GSK3B: variants seen among roughly 807,000 people sequenced by gnomAD.
GSK3B encodes the protein glycogen synthase kinase-3 beta.
A neutral mutation model predicts 56.4 loss-of-function variants in GSK3B; 15 were observed. The observed-to-expected ratio is 0.27, with a 90% CI of 0.18 to 0.41. The LOEUF is 0.41. GSK3B is among the 10% of genes least tolerant of loss of function. The pLI, the probability that GSK3B is intolerant of heterozygous loss-of-function variation, is 1.00. For synonymous variants in GSK3B, 181 were observed against 188.9 expected (o/e 0.96, Z 0.34); for missense variants, 300 against 513.4 (o/e 0.58, Z 4.02).
intron 4 of GSK3B, among the ~76,000 whole-genome samples, chr3:119,916,713 T>C (rs1190468269): frequency 2.0e-5 from 3 of 152,226 alleles, no homozygotes; most frequent in Admixed American, 6.5e-5. Flanking sequence ...AAAACTCATG[T>C]GGACTGAGAA....
chr3:120,081,649 T>C (rs2058420753), intron 1 of GSK3B, among the ~76,000 whole-genome samples: 1 of 152,220 alleles, frequency 6.6e-6, no homozygotes, highest in African/African-American at 2.4e-5. Context: ...TAAACTATCA[T>C]ACCACTAGAC....
chr3:120,018,484 C>T (rs1160944364), intron 1 of GSK3B, among the ~76,000 whole-genome samples: 1 of 152,088 alleles, frequency 6.6e-6, no homozygotes, highest in African/African-American at 2.4e-5. Context: ...AGCAATGACT[C>T]TATAGTATTA....
intron 8 of GSK3B, among the ~76,000 whole-genome samples, chr3:119,876,035 A>G (rs1461622529): frequency 6.6e-6 from 1 of 152,224 alleles, no homozygotes; most frequent in Non-Finnish European, 1.5e-5. Context: ...GTTTAAAAGA[A>G]TAAAGAAAAT....
chr3:120,038,025 TTAAA>T (rs1043804338), intron 1 of GSK3B, among the ~76,000 whole-genome samples: 25 of 152,198 alleles, frequency 1.6e-4, no homozygotes, highest in African/African-American at 6.0e-4. Flanking sequence ...ACAATTTATA[TTAAA>T]TATTGTTCAT....
intron 3 of GSK3B, among the ~76,000 whole-genome samples, chr3:119,936,894 C>A (rs918239897): frequency 2.0e-5 from 3 of 151,956 alleles, no homozygotes; most frequent in Non-Finnish European, 4.4e-5. Flanking sequence ...CTGGACCCAA[C>A]ATACATATAC....
chr3:120,041,366 TA>T (rs946158110), intron 1 of GSK3B: 98 of 320,532 alleles, frequency 3.1e-4, no homozygotes, highest in Middle Eastern at 8.3e-4. Context: ...GAGATGTCCA[TA>T]AGATGGTGGT....
intron 3 of GSK3B, among the ~76,000 whole-genome samples, chr3:119,930,643 G>C (rs1041498170): frequency 1.3e-4 from 20 of 152,154 alleles, no homozygotes; most frequent in African/African-American, 4.6e-4. Context: ...ATGTATTATT[G>C]AGAATGAGAG....
intron 10 of GSK3B, among the ~76,000 whole-genome samples, chr3:119,827,409 C>T (rs1405003910): frequency 6.6e-6 from 1 of 151,726 alleles, no homozygotes; most frequent in Admixed American, 6.6e-5. Flanking sequence ...TTTAATAAAG[C>T]ATCTTGTATC....
chr3:120,002,058 G>C lies in GSK3B; in HGVS notation c.270C>G (p.Asp90Glu). Reference protein sequence around the residue: ...ELVAIKKVLQDKRFKNRELQI... With the variant: ...ELVAIKKVLQEKRFKNRELQI... ...CTGGACATTTTACCTTAAATCTCTT[G>C]TCCTGCAATACTTTCTTGATGGCGA... Residue 90 changes from aspartate to glutamate, a missense_variant, in exon 2 of 11, where the codon GAC (aspartate) becomes GAG (glutamate). By Grantham distance (45) the Asp-to-Glu change is conservative. This residue lies in a region of GSK3B where 20 missense variants were observed against 59.1 expected (regional missense o/e 0.34). Coordinates refer to ENST00000264235, the MANE Select transcript of GSK3B (RefSeq NM_001146156.2). The C allele has an allele frequency of 6.3e-7, 1 of 1,597,398 alleles. No individual in the cohort carries two copies. The highest frequency in any genetic ancestry group is 8.5e-7 in the Non-Finnish European group (1 of 1,172,036).
chr3:119,893,855 A>G (rs1429099194), intron 7 of GSK3B, among the ~76,000 whole-genome samples: 5 of 150,958 alleles, frequency 3.3e-5, no homozygotes, highest in African/African-American at 7.3e-5. Flanking sequence ...TTACAGATAG[A>G]TGTGCTCACT....
intron 10 of GSK3B, among the ~76,000 whole-genome samples, chr3:119,837,439 A>C (rs1253641260): frequency 6.6e-6 from 1 of 151,794 alleles, no homozygotes; most frequent in East Asian, 1.9e-4. Flanking sequence ...TGCTGGGACT[A>C]CAGGCGTGAG....
chr3:119,837,516 T>C (rs2055709627), intron 10 of GSK3B, among the ~76,000 whole-genome samples: 2 of 152,064 alleles, frequency 1.3e-5, no homozygotes, highest in Non-Finnish European at 1.5e-5. Flanking sequence ...ATTCTTGCAA[T>C]AATGTCTATT....
In GSK3B at chr3:119,826,794, G is replaced by A. The variant is rs146200772; in HGVS notation, c.1257C>T (p.Ser419=). The change falls in exon 11 of 11, where the codon TCC becomes TCT. Residue 419 remains serine (S), a synonymous_variant. Coordinates refer to ENST00000264235, the MANE Select transcript of GSK3B (RefSeq NM_001146156.2). ...GCTGGCTGCTCGGGACTGTTCAGGT[G>A]GAGTTGGAAGCTGATGCAGAAGCAG... is the stretch of plus-strand genomic sequence containing the variant. The part of the protein sequence containing the change: ...NNAASASASN[S]T 270 of 1,609,770 alleles carry A rather than the reference G, an allele frequency of 1.7e-4. 1 individual carries two copies. In the African/African-American group the frequency reaches 3.4e-3, roughly 20 times the overall value.
chr3:119,988,484 T>C (rs1402583914), intron 2 of GSK3B, among the ~76,000 whole-genome samples: 1 of 152,236 alleles, frequency 6.6e-6, no homozygotes, highest in Non-Finnish European at 1.5e-5. Flanking sequence ...TTGGAAAAAC[T>C]GGTTATTTTT....
chr3:120,054,193 A>G (rs968824), intron 1 of GSK3B, among the ~76,000 whole-genome samples: 32,546 of 152,172 alleles, frequency 0.21, 3,761 homozygotes, highest in African/African-American at 0.3. Context: ...GTTCAAGATG[A>G]TGGTATTTTA....
intron 1 of GSK3B, among the ~76,000 whole-genome samples, chr3:120,075,230 T>C (rs867174237): frequency 3.3e-5 from 5 of 152,156 alleles, no homozygotes; most frequent in Non-Finnish European, 4.4e-5. Context: ...GGCAAGTTCC[T>C]CAGTATAATA....
intron 1 of GSK3B, among the ~76,000 whole-genome samples, chr3:120,003,826 ATC>A (rs2057700080): frequency 1.3e-5 from 2 of 152,238 alleles, no homozygotes; most frequent in African/African-American, 4.8e-5. Flanking sequence ...TCCCAGGAAG[ATC>A]TTTGCAGAAC....
intron 9 of GSK3B, among the ~76,000 whole-genome samples, chr3:119,843,914 A>G (rs12330670): frequency 0.018 from 2,764 of 152,284 alleles, 91 homozygotes; most frequent in African/African-American, 0.063. Flanking sequence ...AATCGACCAC[A>G]TAATTGGAAG....
chr3:119,951,991 T>C (rs1302282318), intron 2 of GSK3B, among the ~76,000 whole-genome samples: 1 of 140,580 alleles, frequency 7.1e-6, no homozygotes, highest in Non-Finnish European at 1.5e-5. Context: ...GAAATAGAGA[T>C]TGTCCAAAAG....
Sources: allele counts gnomAD v4.1 joint callset (sites outside exome capture counted in the v4.1 genomes callset), GRCh38; gene constraint gnomAD v4.1.1; regional missense constraint gnomAD v4.1.1; transcripts MANE v1.5; gene names NCBI Gene and HGNC (gene_info 2026-07-23, HGNC 2026-07-21).